PCMTD2: variants seen among roughly 807,000 people sequenced by gnomAD.
PCMTD2 encodes protein-L-isoaspartate O-methyltransferase domain-containing protein 2.
Under a neutral mutation model 33.4 loss-of-function variants are expected in PCMTD2, and 16 were observed. That is an observed-to-expected ratio of 0.48 (90% confidence interval 0.32 to 0.73). PCMTD2 has a LOEUF of 0.73. PCMTD2 is among the 30% of genes least tolerant of loss of function. The pLI is 0.03. For synonymous variants in PCMTD2, 161 were observed against 160.8 expected, an observed-to-expected ratio of 1.00 and a Z score of -0.01; for missense variants, 374 against 449.9, an observed-to-expected ratio of 0.83 and a Z score of 1.53.
At chr20:64,257,589 CGATG>C (rs1162278716) in intron 1 of PCMTD2, among the ~76,000 whole-genome samples, 12 of 152,100 alleles carry the variant, frequency 7.9e-5, no homozygotes, top group Non-Finnish European at 1.5e-4. Context: ...CTGATCATAT[CGATG>C]GTTTTCAGTG....
At position 64,273,991 on chromosome 20, in the gene PCMTD2, C is replaced by T. The variant is rs1435102483; in HGVS notation, c.*391C>T. On this transcript the variant is annotated 3_prime_UTR_variant, in exon 6 of 6. Coordinates refer to ENST00000308824, the MANE Select transcript of PCMTD2 (RefSeq NM_018257.3). ...AAATGAAAACTGAAGTGGAAACTAACCTGTGTTGCTTATAAAGTGTGAAAG... is the reference window on the plus strand; with the variant it reads ...AAATGAAAACTGAAGTGGAAACTAATCTGTGTTGCTTATAAAGTGTGAAAG... 6.0e-6 allele frequency: 1 copy of T among 165,418 alleles called. No individual in the cohort carries two copies. Among genetic ancestry groups the T allele is most frequent in the Non-Finnish European group, 1.3e-5 (1 of 77,490 alleles). The allele number at this position is 165,418 out of a possible 1,614,324, so 10.2% of individuals were successfully genotyped here.
intron 5 of PCMTD2, among the ~76,000 whole-genome samples, chr20:64,269,599 CTG>C (rs1230684730): frequency 1.3e-5 from 2 of 152,138 alleles, no homozygotes; most frequent in Non-Finnish European, 2.9e-5. Flanking sequence ...GTAGAAAACT[CTG>C]TGAGTGTAGA....
At chr20:64,258,348 G>A (rs992748809) in intron 1 of PCMTD2, among the ~76,000 whole-genome samples, 1 of 152,176 alleles carries the variant, frequency 6.6e-6, no homozygotes, top group Non-Finnish European at 1.5e-5. Context: ...GCTGTGGACC[G>A]TAATCTAACA....
chr20:64,269,207 C>T (rs1985783143), intron 5 of PCMTD2, among the ~76,000 whole-genome samples: 1 of 152,206 alleles, frequency 6.6e-6, no homozygotes, highest in Non-Finnish European at 1.5e-5. Flanking sequence ...GAGGGTGAAT[C>T]TGTCAAATGC....
chr20:64,257,859 T>C (rs764143057), intron 1 of PCMTD2, among the ~76,000 whole-genome samples: 105 of 152,348 alleles, frequency 6.9e-4, no homozygotes, highest in Non-Finnish European at 9.7e-4. Flanking sequence ...ACTGGCTATG[T>C]GATCATGAAC....
At chr20:64,269,250 A>T (rs1985785268) in intron 5 of PCMTD2, among the ~76,000 whole-genome samples, 1 of 152,228 alleles carries the variant, frequency 6.6e-6, no homozygotes, top group Admixed American at 6.5e-5. Flanking sequence ...ATAACCTTTT[A>T]AGTAACTGCC....
chr20:64,273,466 C>CGGAGGGAAGAA lies in PCMTD2; in HGVS notation c.954_964dup (p.Glu322GlyfsTer18). 1 of 1,612,946 alleles carries CGGAGGGAAGAA rather than the reference C, an allele frequency of 6.2e-7. No homozygotes were observed. The highest frequency in any genetic ancestry group is 8.5e-7 in the Non-Finnish European group (1 of 1,179,674). On this transcript the variant is annotated frameshift_variant, in exon 6 of 6. Transcript: ENST00000308824. LOFTEE classifies it high-confidence loss of function. ...CAGCTGTGAAGACTTGGAAGAGGAA[C>CGGAGGGAAGAA]GGAGGGAAGAAGAAGAGAAGACCCC...
At chr20:64,267,447 G>C (rs1037660199) in intron 4 of PCMTD2, among the ~76,000 whole-genome samples, 1 of 152,112 alleles carries the variant, frequency 6.6e-6, no homozygotes, top group Non-Finnish European at 1.5e-5. Context: ...TCAGGACTTA[G>C]CCACCCTCCC....
chr20:64,259,393 T>C (rs1985305668), intron 1 of PCMTD2, among the ~76,000 whole-genome samples: 2 of 145,170 alleles, frequency 1.4e-5, no homozygotes, highest in Non-Finnish European at 1.5e-5. Flanking sequence ...TCTCTTTTTT[T>C]TTTTTTTTTT....
chr20:64,265,550 A>G (rs989879382), intron 4 of PCMTD2, 121 bp downstream of exon 4: 1 of 821,810 alleles, frequency 1.2e-6, no homozygotes, highest in Non-Finnish European at 1.8e-6. Context: ...AAACAGAGGC[A>G]GGGACAGGTG....
At chr20:64,272,111 A>G in intron 5 of PCMTD2, 1 of 391,886 alleles carries the variant, frequency 2.6e-6, no homozygotes, top group South Asian at 1.9e-5. Context: ...GAAAAGCAGG[A>G]AAGGTTGAAG....
chr20:64,257,295 C>T (rs1985208412), intron 1 of PCMTD2, among the ~76,000 whole-genome samples: 2 of 152,228 alleles, frequency 1.3e-5, no homozygotes, highest in African/African-American at 4.8e-5. Flanking sequence ...CTTCCCATGC[C>T]TGTCGCCACT....
intron 5 of PCMTD2, among the ~76,000 whole-genome samples, chr20:64,272,505 CTA>C: frequency 6.6e-6 from 1 of 152,328 alleles, no homozygotes; most frequent in East Asian, 1.9e-4. Flanking sequence ...GTGTAAATAA[CTA>C]TGAAAATATT....
chr20:64,256,570 A>C (rs981008673), intron 1 of PCMTD2: 8 of 152,226 alleles, frequency 5.3e-5, no homozygotes, highest in Non-Finnish European at 8.8e-5. Flanking sequence ...AACAGCTCCT[A>C]TCTGGGCGTT....
chr20:64,261,246 G>A (rs1221973358), intron 2 of PCMTD2, among the ~76,000 whole-genome samples: 1 of 152,204 alleles, frequency 6.6e-6, no homozygotes, highest in African/African-American at 2.4e-5. Context: ...TGCCGGAGGG[G>A]TGATAGGAGC....
At chr20:64,272,024 G>T in intron 5 of PCMTD2, 2 of 354,242 alleles carry the variant, frequency 5.6e-6, no homozygotes, top group Non-Finnish European at 1.1e-5. Flanking sequence ...GTTGAGTGAA[G>T]AGAAAGGACT....
chr20:64,267,837 C>T, intron 4 of PCMTD2, 50 bp from the exon 5 acceptor site: 2 of 1,550,982 alleles, frequency 1.3e-6, no homozygotes, highest in Non-Finnish European at 1.8e-6. Flanking sequence ...TAAATATGAG[C>T]TAAATAGTAG....
chr20:64,259,085 G>A (rs941748659), intron 1 of PCMTD2, among the ~76,000 whole-genome samples: 1 of 152,166 alleles, frequency 6.6e-6, no homozygotes, highest in Admixed American at 6.5e-5. Context: ...TAAAGAGCTG[G>A]GAAAGCTGCG....
rs559106566 is a variant in PCMTD2, at chr20:64,260,030, A to T, written c.65A>T (p.Gln22Leu). 9 of 1,612,324 alleles carry T rather than the reference A, an allele frequency of 5.6e-6. No homozygotes were observed. In the South Asian group the frequency reaches 8.8e-5, roughly 16 times the overall value. ...CTGATAGATAATTTGAAAGAAGCAC[A>T]GTATATCCGGACTGAGCTGGTAGAG... is the stretch of plus-strand genomic sequence containing the variant. ...DELIDNLKEA[Q>L]YIRTELVEQA... Residue 22 changes from glutamine to leucine, a missense_variant, in exon 2 of 6, where the codon CAG (glutamine) becomes CTG (leucine). Physicochemically the swap from Gln to Leu is moderately radical, Grantham distance 113 (BLOSUM62 -2). Transcript: ENST00000308824.
Sources: gnomAD v4.1 joint callset for allele counts (sites outside exome capture counted in the v4.1 genomes callset) on GRCh38, gnomAD v4.1.1 for gene constraint, MANE v1.5 for transcripts, NCBI Gene and HGNC (gene_info 2026-07-23, HGNC 2026-07-21) for gene names.